Variants in FAM168A observed in about 807,000 individuals in gnomAD.
The protein encoded by FAM168A is protein FAM168A.
Under a neutral mutation model 28.5 loss-of-function variants are expected in FAM168A, and 3 were observed. The ratio of observed to expected loss-of-function variants is 0.11; its 90% CI spans 0.05 to 0.27. The LOEUF (loss-of-function observed/expected upper bound fraction) is 0.27. Among genes scored for constraint, FAM168A ranks in the 10% least tolerant of loss-of-function variants. The pLI is 1.00. For synonymous variants in FAM168A, 122 were observed against 124.2 expected (o/e 0.98, Z 0.12); for missense variants, 222 against 311.5 (o/e 0.71, Z 2.16).
chr11:73,421,431 GA>G (rs774837505), intron 3 of FAM168A, among the ~76,000 whole-genome samples: 1 of 152,236 alleles, frequency 6.6e-6, no homozygotes, highest in Non-Finnish European at 1.5e-5. Flanking sequence ...CAGATGCTGA[GA>G]AATGAGAAGG....
chr11:73,417,590 C>CACTCTGTT (rs1866717051), intron 4 of FAM168A, among the ~76,000 whole-genome samples: 2 of 140,694 alleles, frequency 1.4e-5, no homozygotes, highest in Non-Finnish European at 3.0e-5. Flanking sequence ...GACGGAGTCT[C>CACTCTGTT]ACTCTGTTGC....
chr11:73,495,786 G>T (rs1299337165), intron 1 of FAM168A, among the ~76,000 whole-genome samples: 1 of 152,140 alleles, frequency 6.6e-6, no homozygotes, highest in Non-Finnish European at 1.5e-5. Context: ...TGTTGATGAG[G>T]ATGTAGAGAA....
chr11:73,454,469 C>G (rs1867489538), intron 2 of FAM168A, among the ~76,000 whole-genome samples: 1 of 152,176 alleles, frequency 6.6e-6, no homozygotes, highest in Non-Finnish European at 1.5e-5. Flanking sequence ...TCACGCTTGC[C>G]TTCTCAGAAG....
At chr11:73,543,525 T>C (rs1484189306) in intron 1 of FAM168A, among the ~76,000 whole-genome samples, 1 of 152,128 alleles carries the variant, frequency 6.6e-6, no homozygotes, top group East Asian at 1.9e-4. Context: ...TCTCCCAAAG[T>C]GCTGGGATTA....
At chr11:73,549,026 C>G (rs1398950319) in intron 1 of FAM168A, among the ~76,000 whole-genome samples, 1 of 152,120 alleles carries the variant, frequency 6.6e-6, no homozygotes, top group Non-Finnish European at 1.5e-5. Flanking sequence ...ACTGCAACCT[C>G]CACCCCCCGA....
At chr11:73,540,550 T>C (rs751807939) in intron 1 of FAM168A, among the ~76,000 whole-genome samples, 4 of 152,154 alleles carry the variant, frequency 2.6e-5, no homozygotes, top group Non-Finnish European at 5.9e-5. Context: ...TTCCACAAAA[T>C]GCACCTGGCT....
chr11:73,583,271 C>T (rs1944271404), intron 1 of FAM168A, among the ~76,000 whole-genome samples: 1 of 152,088 alleles, frequency 6.6e-6, no homozygotes, highest in Non-Finnish European at 1.5e-5. Flanking sequence ...CCACTGCACT[C>T]CAGCCTGGGT....
intron 4 of FAM168A, among the ~76,000 whole-genome samples, chr11:73,416,945 C>CAAAAAA (rs1311654447): frequency 1.4e-5 from 2 of 143,158 alleles, no homozygotes; most frequent in Non-Finnish European, 3.0e-5. Context: ...GACCTTGTCT[C>CAAAAAA]AAAAAAAAGG....
Position 73,500,256 on chromosome 11 carries a change from C to CTT in FAM168A, c.-18-31766_-18-31765dup, listed in dbSNP as rs57040993. Among the ~76,000 whole-genome samples, 281 of 122,598 alleles carry CTT rather than the reference C, an allele frequency of 2.3e-3. 3 individuals are homozygous for CTT. Among genetic ancestry groups the CTT allele is most frequent in the Middle Eastern group, 4.1e-3 (1 of 246 alleles). The allele number at this position is 122,598 out of a possible 152,430, so 80.4% of individuals were successfully genotyped here. On this transcript the variant is annotated intron_variant, in intron 1 of 7. Transcript: ENST00000356467. ...GACAAGAGTTTACAACCCAGAATTCCTTTTTTTTTTTTTTTTTTTTGAGAC... is the reference window on the plus strand; with the variant it reads ...GACAAGAGTTTACAACCCAGAATTCCTTTTTTTTTTTTTTTTTTTTTTGAGAC...
At position 73,405,513 on chromosome 11, in the gene FAM168A, G is replaced by C. The variant is rs929391853; in HGVS notation, c.*1250C>G. The C allele has an allele frequency of 6.6e-6, 1 of 152,250 alleles. No individual in the cohort carries two copies. Among genetic ancestry groups the C allele is most frequent in the Non-Finnish European group, 1.5e-5 (1 of 68,064 alleles). The allele number at this position is 152,250 out of a possible 1,614,324, so 9.4% of individuals were successfully genotyped here. On this transcript the variant is annotated 3_prime_UTR_variant, in exon 8 of 8. Coordinates refer to ENST00000356467, the MANE Select transcript of FAM168A (RefSeq NM_015159.3). The stretch of plus-strand genomic sequence containing the variant: ...CTAATTTACTGTAAGGTCTAGGGAA[G>C]TCCTTTCCGCTTCTCTGGGCCTCAG...
At chr11:73,471,613 G>A (rs1867814860) in intron 1 of FAM168A, among the ~76,000 whole-genome samples, 1 of 152,160 alleles carries the variant, frequency 6.6e-6, no homozygotes, top group South Asian at 2.1e-4. Context: ...GATCCTTGAT[G>A]CTCTATCTGG....
intron 1 of FAM168A, among the ~76,000 whole-genome samples, chr11:73,573,990 C>T (rs919444266): frequency 2.6e-5 from 4 of 151,090 alleles, no homozygotes; most frequent in African/African-American, 9.7e-5. Flanking sequence ...CAGGGCATGG[C>T]GTTGCACACC....
At chr11:73,411,857 G>T (rs529520873) in intron 4 of FAM168A, among the ~76,000 whole-genome samples, 1 of 152,208 alleles carries the variant, frequency 6.6e-6, no homozygotes, top group South Asian at 2.1e-4. Context: ...GGAGCTGTCT[G>T]TGTGAAATGG....
At chr11:73,595,332 T>C (rs1278561803) in intron 1 of FAM168A, among the ~76,000 whole-genome samples, 1 of 152,206 alleles carries the variant, frequency 6.6e-6, no homozygotes, top group Non-Finnish European at 1.5e-5. Context: ...CGTTCCATCA[T>C]TCTGCCCATT....
chr11:73,480,114 A>T (rs1052176229), intron 1 of FAM168A, among the ~76,000 whole-genome samples: 3 of 152,198 alleles, frequency 2.0e-5, no homozygotes, highest in Non-Finnish European at 4.4e-5. Flanking sequence ...CAATTTAAAA[A>T]TGAAATGGAG....
intron 1 of FAM168A, among the ~76,000 whole-genome samples, chr11:73,524,007 G>C (rs1357495948): frequency 6.6e-6 from 1 of 151,912 alleles, no homozygotes; most frequent in East Asian, 1.9e-4. Flanking sequence ...GTATAGGTAG[G>C]AGCCACTGCC....
intron 1 of FAM168A, among the ~76,000 whole-genome samples, chr11:73,571,948 C>T (rs1346282000): frequency 3.9e-5 from 6 of 151,904 alleles, no homozygotes; most frequent in Admixed American, 6.5e-5. Context: ...GCCACGACCC[C>T]GTCTGGGAGG....
chr11:73,560,363 T>G (rs977670609), intron 1 of FAM168A, among the ~76,000 whole-genome samples: 8 of 151,898 alleles, frequency 5.3e-5, no homozygotes, highest in African/African-American at 1.9e-4. Flanking sequence ...ATGCCCAGTC[T>G]CCAATGAAGG....
chr11:73,512,821 A>G (rs2134639453), intron 1 of FAM168A, among the ~76,000 whole-genome samples: 1 of 152,340 alleles, frequency 6.6e-6, no homozygotes, highest in Middle Eastern at 3.4e-3. Context: ...GGCTATAGAT[A>G]CTGGAAAGAA....
Sources: allele counts gnomAD v4.1 joint callset (sites outside exome capture counted in the v4.1 genomes callset), GRCh38; gene constraint gnomAD v4.1.1; transcripts MANE v1.5; gene names NCBI Gene and HGNC (gene_info 2026-07-23, HGNC 2026-07-21).